ADGRF3: variants seen among roughly 807,000 people sequenced by gnomAD.
The protein encoded by ADGRF3 is adhesion G protein-coupled receptor F3.
In ADGRF3, 85 loss-of-function variants were observed where a neutral mutation model predicts 93.2. The ratio of observed to expected loss-of-function variants is 0.91; its 90% confidence interval spans 0.77 to 1.09. The LOEUF is 1.09. Ranked by LOEUF, ADGRF3 falls within the 50% of genes least tolerant of loss-of-function variation. The pLI is 0.00. For missense variants in ADGRF3, 1,125 were observed against 1,246.2 expected, an observed-to-expected ratio of 0.90 and a Z score of 1.46; for synonymous variants, 534 against 532.5, an observed-to-expected ratio of 1.00 and a Z score of -0.04.
At chr2:26,317,731 G>C (rs145738403) in intron 1 of ADGRF3, among the ~76,000 whole-genome samples, 169 bp from the exon 2 acceptor site, 130 of 152,332 alleles carry the variant, frequency 8.5e-4, no homozygotes, top group African/African-American at 3.0e-3. Flanking sequence ...GGGGTGCCAG[G>C]GATGCAACCC....
chr2:26,316,853 C>G (rs1674736334), intron 3 of ADGRF3, 59 bp downstream of exon 3: 1 of 1,527,004 alleles, frequency 6.5e-7, no homozygotes, highest in African/African-American at 1.4e-5. Flanking sequence ...AAGCTGGCTG[C>G]AGGAGGCCCG....
At chr2:26,326,441 TC>T (rs1306585433) in intron 1 of ADGRF3, among the ~76,000 whole-genome samples, 1 of 152,152 alleles carries the variant, frequency 6.6e-6, no homozygotes, top group African/African-American at 2.4e-5. Flanking sequence ...AAGTGGAAGT[TC>T]CTTTCCCTCT....
In ADGRF3 at chr2:26,311,382, T is replaced by C. The variant is rs114354727; in HGVS notation, c.2142A>G (p.Ile714Met). 62,853 of 1,613,874 alleles carry C rather than the reference T, an allele frequency of 0.039. 1,480 individuals carry two copies. The highest frequency in any genetic ancestry group is 0.052 in the Middle Eastern group (315 of 6,062). The change falls in exon 10 of 14, where the codon ATA (isoleucine) becomes ATG (methionine). Residue 714 changes from isoleucine (I) to methionine (M), a missense_variant. Coordinates refer to ENST00000651242, the MANE Select transcript of ADGRF3 (RefSeq NM_001321971.2). ...LLTQVGLGASILALLVCLGVY... is the reference protein window; with the variant it reads ...LLTQVGLGASMLALLVCLGVY... ...CACCCAGGCACACAAGCAGCGCCAGTATGGAAGCTCCCAAGCCCACTTGAG... is the reference window on the plus strand; with the variant it reads ...CACCCAGGCACACAAGCAGCGCCAGCATGGAAGCTCCCAAGCCCACTTGAG...
intron 1 of ADGRF3, among the ~76,000 whole-genome samples, chr2:26,324,506 G>GTGT (rs58085231): frequency 0.54 from 82,070 of 151,616 alleles, 23,445 homozygotes; most frequent in African/African-American, 0.68. Flanking sequence ...GCCCCAGTGT[G>GTGT]TGTTCCCCTG....
chr2:26,309,542 C>T lies in ADGRF3; in HGVS notation c.2977G>A (p.Gly993Arg). The T allele has an allele frequency of 5.0e-6, 8 of 1,612,678 alleles. No homozygotes were observed. The highest frequency in any genetic ancestry group is 6.8e-6 in the Non-Finnish European group (8 of 1,179,512). ...EGCILEHSKGGSDTARKTDAS... is the reference protein window; with the variant it reads ...EGCILEHSKGRSDTARKTDAS... Reference sequence around the variant, plus strand: ...AGTTCTCACCTGGCAGTGTCGCTTCCTCCTTTGCTGTGTTCCAAGATGCAG... The same window carrying T: ...AGTTCTCACCTGGCAGTGTCGCTTCTTCCTTTGCTGTGTTCCAAGATGCAG... The change falls in exon 13 of 14, where the codon GGA (glycine) becomes AGA (arginine). Residue 993 changes from glycine to arginine, a missense_variant. Transcript: ENST00000651242.
chr2:26,311,145 C>G lies in ADGRF3; in HGVS notation c.2379G>C (p.Ala793=), dbSNP rs367993151. 2 of 1,594,544 alleles carry G rather than the reference C, an allele frequency of 1.3e-6. No homozygotes were observed. The highest frequency in any genetic ancestry group is 1.7e-6 in the Non-Finnish European group (2 of 1,170,986). The change falls in exon 10 of 14, where the codon GCG becomes GCC. Residue 793 remains alanine, a synonymous_variant. Transcript: ENST00000651242. ...LYLATFFWML[A]QALVLAHQLL... The stretch of plus-strand genomic sequence containing the variant: ...GCTGGTGGGCCAACACCAGGGCCTG[C>G]GCCAGCATCCAGAAAAAGGTGGCCA...
chr2:26,321,738 G>A (rs527935370), intron 1 of ADGRF3, among the ~76,000 whole-genome samples: 4 of 152,168 alleles, frequency 2.6e-5, no homozygotes, highest in East Asian at 1.9e-4. Context: ...TTGGGAGGCC[G>A]AGGCGGGCTG....
chr2:26,334,554 C>T (rs1675935711), intron 1 of ADGRF3, among the ~76,000 whole-genome samples: 1 of 152,156 alleles, frequency 6.6e-6, no homozygotes, highest in South Asian at 2.1e-4. Context: ...TCTCAAAACA[C>T]CCCTTTAGCA....
In ADGRF3 at chr2:26,324,202, G is replaced by A. The variant is rs571491788; in HGVS notation, c.115-6640C>T. Among the ~76,000 whole-genome samples, 26 of 152,294 alleles carry A rather than the reference G, an allele frequency of 1.7e-4. 1 individual carries two copies. The South Asian group carries it at 5.0e-3, about 29-fold the overall frequency. ...GGAGGTCAAAGCCACAGTGAGCTGT[G>A]ATCGTGCCACTGCACTCCAGCCTGG... is the stretch of plus-strand genomic sequence containing the variant. On this transcript the variant is annotated intron_variant, in intron 1 of 13. Transcript: ENST00000651242.
intron 3 of ADGRF3, 114 bp from the exon 4 acceptor site, chr2:26,316,562 C>T: frequency 9.1e-7 from 1 of 1,099,848 alleles, no homozygotes; most frequent in South Asian, 1.6e-5. Flanking sequence ...TGGACCAATC[C>T]CCAAGCTACA....
intron 1 of ADGRF3, among the ~76,000 whole-genome samples, chr2:26,323,698 T>G (rs1675283469): frequency 6.6e-6 from 1 of 151,478 alleles, no homozygotes; most frequent in South Asian, 2.1e-4. Context: ...GGTGCGATCT[T>G]GGCTCACTAC....
intron 1 of ADGRF3, among the ~76,000 whole-genome samples, chr2:26,325,009 C>A (rs1276274854): frequency 6.6e-6 from 1 of 152,118 alleles, no homozygotes; most frequent in Non-Finnish European, 1.5e-5. Context: ...TTAGTAACAG[C>A]CATTCTGACT....
In ADGRF3 at chr2:26,333,471, C is replaced by T. The variant is rs188359563; in HGVS notation, c.114+12650G>A. Among the ~76,000 whole-genome samples, 31 of 2,374 alleles carry T rather than the reference C, an allele frequency of 0.013. No individual in the cohort carries two copies. In the East Asian group the frequency reaches 0.32, roughly 25 times the overall value. The allele number at this position is 2,374 out of a possible 152,430, so 1.6% of individuals were successfully genotyped here. ...AGCCTCTAATCACGTGGTTGGTTCCCCTGGCAACCATCCTGAGGTTATCCA... is the reference window on the plus strand; with the variant it reads ...AGCCTCTAATCACGTGGTTGGTTCCTCTGGCAACCATCCTGAGGTTATCCA... On this transcript the variant is annotated intron_variant, in intron 1 of 13. Coordinates refer to ENST00000651242, the MANE Select transcript of ADGRF3 (RefSeq NM_001321971.2).
intron 10 of ADGRF3, 71 bp from the exon 11 acceptor site, chr2:26,310,308 GTCCTGTGTAATTCACA>G (rs1268941186): frequency 1.9e-6 from 3 of 1,538,906 alleles, no homozygotes; most frequent in Admixed American, 1.7e-5. Context: ...TGCTCCTTCT[GTCCTGTGTAATTCACA>G]TCCTAAGGCT....
intron 1 of ADGRF3, among the ~76,000 whole-genome samples, chr2:26,330,461 TG>T (rs1206570334): frequency 6.6e-6 from 1 of 152,176 alleles, no homozygotes; most frequent in Non-Finnish European, 1.5e-5. Context: ...GCACTTACTG[TG>T]ACTGTTCACA....
chr2:26,311,310 A>G lies in ADGRF3; in HGVS notation c.2214T>C (p.Tyr738=). ...WRVVVRNKIS[Y]FRHAALLNMV... is the part of the protein sequence containing the mutation. ...TGTTGAGCAGGGCGGCGTGGCGGAA[A>G]TAGGAGATCTTGTTCCGCACCACGA... Residue 738 remains tyrosine (Y), a synonymous_variant, in exon 10 of 14, where the codon TAT becomes TAC. Transcript: ENST00000651242. 2.5e-6 allele frequency: 4 copies of G among 1,613,968 alleles called. No homozygotes were observed. Among genetic ancestry groups the G allele is most frequent in the Non-Finnish European group, 3.4e-6 (4 of 1,179,896 alleles).
intron 1 of ADGRF3, among the ~76,000 whole-genome samples, chr2:26,342,029 C>T (rs1356781212): frequency 4.6e-5 from 7 of 150,662 alleles, no homozygotes; most frequent in South Asian, 2.1e-4. Context: ...GCTGATATTG[C>T]GCCACTGCAC....
At position 26,341,978 on chromosome 2, in the gene ADGRF3, CAGG is replaced by C. The variant is rs58904073; in HGVS notation, c.114+4140_114+4142del. ...GTCCCAGCTACTTGGGAGGCTGAGGCAGGAGAATGGCGTGAACCCGGGAGGCGG... is the reference window on the plus strand; with the variant it reads ...GTCCCAGCTACTTGGGAGGCTGAGGCAGAATGGCGTGAACCCGGGAGGCGG... On this transcript the variant is annotated intron_variant, in intron 1 of 13. Transcript: ENST00000651242. Among the ~76,000 whole-genome samples the C allele has an allele frequency of 5.3e-3, 804 of 151,832 alleles. 36 individuals carry two copies. In the South Asian group the frequency reaches 0.082, roughly 16 times the overall value.
chr2:26,340,856 T>C (rs2147928375), intron 1 of ADGRF3, among the ~76,000 whole-genome samples: 1 of 152,334 alleles, frequency 6.6e-6, no homozygotes, highest in East Asian at 1.9e-4. Context: ...ATAATGCTTC[T>C]TTTATTTAAC....
Sources: gnomAD v4.1 joint callset for allele counts (sites outside exome capture counted in the v4.1 genomes callset) on GRCh38, gnomAD v4.1.1 for gene constraint, MANE v1.5 for transcripts, NCBI Gene and HGNC (gene_info 2026-07-23, HGNC 2026-07-21) for gene names.